USP8: variants seen among roughly 807,000 people sequenced by gnomAD.
USP8 encodes the protein ubiquitin specific peptidase 8, also known as ubiquitin carboxyl-terminal hydrolase 8.
A neutral mutation model predicts 130.0 loss-of-function variants in USP8; 27 were observed. That is an observed-to-expected ratio of 0.21 (90% CI 0.15 to 0.29). The LOEUF is 0.29. Among genes scored for constraint, USP8 ranks in the 10% least tolerant of loss-of-function variants. The pLI is 1.00. For missense variants in USP8, 1,029 were observed against 1,312.2 expected, an observed-to-expected ratio of 0.78 and a Z score of 3.33; for synonymous variants, 392 against 444.1, an observed-to-expected ratio of 0.88 and a Z score of 1.48.
intron 3 of USP8, among the ~76,000 whole-genome samples, chr15:50,447,517 A>T (rs993944829): frequency 1.3e-5 from 2 of 151,384 alleles, no homozygotes; most frequent in African/African-American, 2.4e-5. Flanking sequence ...CTGGGATTAC[A>T]TGTGTGAGCC....
intron 16 of USP8, 156 bp from the exon 17 acceptor site, chr15:50,495,692 A>G: frequency 1.7e-6 from 1 of 578,016 alleles, no homozygotes; most frequent in Middle Eastern, 4.5e-4. Context: ...ATTTTTGGCT[A>G]GAATTATTTT....
chr15:50,482,104 A>C, intron 11 of USP8, 39 bp downstream of exon 11: 1 of 1,456,116 alleles, frequency 6.9e-7, no homozygotes, highest in Non-Finnish European at 9.0e-7. Flanking sequence ...GAAGTGAAAG[A>C]AAATGTATAT....
intron 18 of USP8, 156 bp downstream of exon 18, chr15:50,497,387 CTG>C (rs2052458299): frequency 1.2e-6 from 1 of 844,198 alleles, no homozygotes; most frequent in South Asian, 3.1e-5. Context: ...AGAAATGAGA[CTG>C]TTAGTTCACC....
intron 4 of USP8, among the ~76,000 whole-genome samples, chr15:50,453,050 T>C (rs989718467): frequency 6.6e-6 from 1 of 152,206 alleles, no homozygotes; most frequent in Non-Finnish European, 1.5e-5. Context: ...TCCATAGAGA[T>C]AATAGGAATA....
chr15:50,475,257 G>C (rs905368285), intron 8 of USP8, among the ~76,000 whole-genome samples: 3 of 152,020 alleles, frequency 2.0e-5, no homozygotes, highest in African/African-American at 7.2e-5. Context: ...AATAACTATA[G>C]AAAAAGGGGC....
chr15:50,449,774 G>A (rs62019081), intron 4 of USP8, among the ~76,000 whole-genome samples: 26,183 of 151,370 alleles, frequency 0.17, 2,621 homozygotes, highest in Non-Finnish European at 0.22. Context: ...GTAGAGACAG[G>A]GTTTCACCAT....
In USP8 at chr15:50,459,025, A is replaced by G. The variant is rs1351722544; in HGVS notation, c.361A>G (p.Lys121Glu). ...ATATGAAGAAGCTGAAGTCCGGAAA[A>G]AACTTGAGGAAAAAGACAGGCAGGA... ...LRYEEAEVRK[K>E]LEEKDRQEEA... Residue 121 changes from lysine (K) to glutamate (E), a missense_variant, in exon 5 of 20, where the codon AAA becomes GAA. Around this residue, in one of 4 missense-constraint regions of USP8, gnomAD observed 281 missense variants for 336.7 expected, o/e 0.83. Coordinates refer to ENST00000307179, the MANE Select transcript of USP8 (RefSeq NM_005154.5). 6.8e-6 allele frequency: 11 copies of G among 1,613,542 alleles called. No homozygotes were observed. Among genetic ancestry groups the G allele is most frequent in the Non-Finnish European group, 9.3e-6 (11 of 1,180,030 alleles).
Position 50,505,541 on chromosome 15 carries a change from TGAAG to T in USP8, c.*6458_*6461del, listed in dbSNP as rs1382663293. ...TGCCACATGAATTTTAAAAACTCAA[TGAAG>T]GAAGAAGTGATACATAATAGACAGT... On this transcript the variant is annotated 3_prime_UTR_variant, in exon 20 of 20. Transcript: ENST00000307179. 8 of 152,146 alleles carry T rather than the reference TGAAG, an allele frequency of 5.3e-5. No individual in the cohort carries two copies. The highest frequency in any genetic ancestry group is 1.7e-4 in the African/African-American group (7 of 41,514). 9.4% of individuals were successfully genotyped at this position (152,146 alleles called of 1,614,324 possible).
chr15:50,471,989 G>A (rs1595952321), intron 8 of USP8, among the ~76,000 whole-genome samples, 194 bp downstream of exon 8: 2 of 148,842 alleles, frequency 1.3e-5, no homozygotes, highest in African/African-American at 5.0e-5. Flanking sequence ...CAACCTCCGC[G>A]TCCCAGGTTC....
intron 5 of USP8, among the ~76,000 whole-genome samples, chr15:50,461,649 T>C (rs1253189303): frequency 2.6e-5 from 4 of 151,818 alleles, no homozygotes; most frequent in African/African-American, 9.7e-5. Context: ...GGTCAAGAGA[T>C]CAAGACCAGC....
At chr15:50,469,035 A>G (rs7172921) in intron 7 of USP8, among the ~76,000 whole-genome samples, 1,581 of 152,268 alleles carry the variant, frequency 0.01, 9 homozygotes, top group Middle Eastern at 0.041. Context: ...AATGGAATTT[A>G]TAATATGTAG....
rs1168042672 is a variant in USP8, at chr15:50,500,357, A to G, written c.*1269A>G. On this transcript the variant is annotated 3_prime_UTR_variant, in exon 20 of 20. Transcript: ENST00000307179. ...AATTTGTTGAATATATATGATTATG[A>G]GATATTTTCTGATAAACACTGAATT... The G allele has an allele frequency of 6.3e-6, 1 of 158,182 alleles. No individual in the cohort carries two copies. Among genetic ancestry groups the G allele is most frequent in the Admixed American group, 6.1e-5 (1 of 16,298 alleles). The allele number at this position is 158,182 out of a possible 1,614,324, so 9.8% of individuals were successfully genotyped here. A position where few individuals can be genotyped will look rare whatever the true frequency, so the allele number is the denominator to read the frequency against.
intron 4 of USP8, among the ~76,000 whole-genome samples, chr15:50,455,218 G>C (rs1193390288): frequency 6.6e-6 from 1 of 151,208 alleles, no homozygotes; most frequent in Non-Finnish European, 1.5e-5. Flanking sequence ...TGGAACTACA[G>C]ATGCACACCA....
In USP8 at chr15:50,457,665, C is replaced by T. The variant is rs576445432; in HGVS notation, c.336-1335C>T. Among the ~76,000 whole-genome samples, 35 of 149,892 alleles carry T rather than the reference C, an allele frequency of 2.3e-4. 1 individual carries two copies. The South Asian group carries it at 6.9e-3, about 30-fold the overall frequency. On this transcript the variant is annotated intron_variant, in intron 4 of 19. Transcript: ENST00000307179. ...GTCACCTGAGGTTAGGAGTTTGAGACAAGCCTGGCCACATGGTGAACCCTG... is the reference window on the plus strand; with the variant it reads ...GTCACCTGAGGTTAGGAGTTTGAGATAAGCCTGGCCACATGGTGAACCCTG...
At chr15:50,433,856 T>C (rs529046952) in intron 1 of USP8, among the ~76,000 whole-genome samples, 56 of 152,266 alleles carry the variant, frequency 3.7e-4, no homozygotes, top group East Asian at 3.5e-3. Flanking sequence ...CCGCCCGCCT[T>C]GGCCTCCCAA....
rs150688202 is a variant in USP8, at chr15:50,427,312, T to C, written c.-66+2798T>C. On this transcript the variant is annotated intron_variant, in intron 1 of 19. Transcript: ENST00000307179. ...GTTTTCAAAGCATGTTTTTGTATAT[T>C]TTTTCACTTGATACCTATGGTCACC... Among the ~76,000 whole-genome samples the C allele has an allele frequency of 4.0e-3, 603 of 152,292 alleles. 5 individuals are homozygous for C. The highest frequency in any genetic ancestry group is 0.014 in the African/African-American group (570 of 41,552).
intron 4 of USP8, among the ~76,000 whole-genome samples, chr15:50,449,863 G>GATTACAGCCT (rs1425047994): frequency 6.7e-6 from 1 of 148,564 alleles, no homozygotes; most frequent in Non-Finnish European, 1.5e-5. Flanking sequence ...TTACAGGTGT[G>GATTACAGCCT]GGCCACCATG....
At position 50,495,932 on chromosome 15, in the gene USP8, A is replaced by G. The variant is rs1485486877; in HGVS notation, c.2743A>G (p.Lys915Glu). The G allele has an allele frequency of 6.2e-7, 1 of 1,613,880 alleles. No homozygotes were observed. Among genetic ancestry groups the G allele is most frequent in the African/African-American group, 1.3e-5 (1 of 75,042 alleles). ...KAAEHAWQKH[K>E]QLNESIIVAL... ...TGCAGAACATGCCTGGCAGAAACAC[A>G]AGCAGCTCAATGAGTCTATTATTGT... Residue 915 changes from lysine to glutamate, a missense_variant, in exon 17 of 20, where the codon AAG (lysine) becomes GAG (glutamate). This residue lies in a region of USP8 where 257 missense variants were observed against 429.8 expected (regional missense o/e 0.60). Coordinates refer to ENST00000307179, the MANE Select transcript of USP8 (RefSeq NM_005154.5).
chr15:50,463,395 C>T (rs2051077889), intron 6 of USP8: 1 of 152,202 alleles, frequency 6.6e-6, no homozygotes, highest in Admixed American at 6.5e-5. Context: ...ACAGCCATAC[C>T]ACCTAACGCG....
Sources: allele counts gnomAD v4.1 joint callset (sites outside exome capture counted in the v4.1 genomes callset), GRCh38; gene constraint gnomAD v4.1.1; regional missense constraint gnomAD v4.1.1; transcripts MANE v1.5; gene names NCBI Gene and HGNC (gene_info 2026-07-23, HGNC 2026-07-21).